The following RSBN1L variants were observed in gnomAD, a reference collection of about 807,000 sequenced individuals.
RSBN1L encodes the protein lysine-specific demethylase RSBN1L.
Under a neutral mutation model 67.7 loss-of-function variants are expected in RSBN1L, and 30 were observed. The observed-to-expected ratio is 0.44, with a 90% confidence interval of 0.33 to 0.60. The LOEUF is 0.60. Ranked by LOEUF, RSBN1L falls within the 20% of genes least tolerant of loss-of-function variation. The probability of loss-of-function intolerance (pLI) is 0.02; values close to 1 mark genes in which losing one functional copy is unlikely to be tolerated. For missense variants in RSBN1L, 992 were observed against 1,031.7 expected (o/e 0.96, Z 0.53); for synonymous variants, 433 against 387.0 (o/e 1.12, Z -1.39).
chr7:77,739,130 C>T (rs1447571496), intron 2 of RSBN1L, among the ~76,000 whole-genome samples: 2 of 152,168 alleles, frequency 1.3e-5, no homozygotes, highest in Non-Finnish European at 2.9e-5. Flanking sequence ...GGCCATTTCC[C>T]AAGTGAGCCT....
intron 7 of RSBN1L, 24 bp downstream of exon 7, chr7:77,778,470 T>C (rs772684312): frequency 6.3e-7 from 1 of 1,595,888 alleles, no homozygotes; most frequent in Non-Finnish European, 8.5e-7. Context: ...ACTTACTGTC[T>C]TTGGTTTAGT....
chr7:77,761,416 G>A (rs956707899), intron 3 of RSBN1L, among the ~76,000 whole-genome samples: 1 of 152,112 alleles, frequency 6.6e-6, no homozygotes, highest in African/African-American at 2.4e-5. Context: ...ATCCTTATCT[G>A]TTACCTCTTC....
intron 1 of RSBN1L, among the ~76,000 whole-genome samples, chr7:77,703,621 T>A (rs1790849334): frequency 6.6e-6 from 1 of 150,668 alleles, no homozygotes; most frequent in Admixed American, 6.7e-5. Context: ...CCCAAGTAGC[T>A]GGAACTACAG....
Position 77,779,325 on chromosome 7 carries a change from A to T in RSBN1L, c.*157A>T. 1.7e-6 allele frequency: 1 copy of T among 598,344 alleles called. No homozygotes were observed. The highest frequency in any genetic ancestry group is 3.4e-5 in the Admixed American group (1 of 29,104). The allele number at this position is 598,344 out of a possible 1,614,324, so 37.1% of individuals were successfully genotyped here. ...CCTCAGTGCCTGTCCATAACTGTGA[A>T]GTATTAAGCACTTAGGGCCAGATGC... On this transcript the variant is annotated 3_prime_UTR_variant, in exon 8 of 8. Coordinates refer to ENST00000334955, the MANE Select transcript of RSBN1L (RefSeq NM_198467.3).
intron 1 of RSBN1L, among the ~76,000 whole-genome samples, chr7:77,735,476 A>G (rs1791322326): frequency 6.6e-6 from 1 of 152,176 alleles, no homozygotes; most frequent in Admixed American, 6.5e-5. Context: ...CAGTGCTTAT[A>G]TAGACAGTAA....
At chr7:77,739,067 C>T (rs1791373916) in intron 2 of RSBN1L, among the ~76,000 whole-genome samples, 1 of 152,178 alleles carries the variant, frequency 6.6e-6, no homozygotes, top group African/African-American at 2.4e-5. Flanking sequence ...ATTGAAAGCA[C>T]TGAGTGTTAT....
intron 2 of RSBN1L, among the ~76,000 whole-genome samples, chr7:77,738,367 C>T (rs922050907): frequency 7.2e-5 from 11 of 151,860 alleles, no homozygotes; most frequent in Admixed American, 2.0e-4. Flanking sequence ...TATTTTGAAC[C>T]GAGTTAAACT....
chr7:77,709,678 C>G (rs1476920746), intron 1 of RSBN1L, among the ~76,000 whole-genome samples: 1 of 152,066 alleles, frequency 6.6e-6, no homozygotes, highest in Non-Finnish European at 1.5e-5. Context: ...TCTTCCAGCC[C>G]CACCCCCTAA....
chr7:77,718,876 T>C (rs982211963), intron 1 of RSBN1L, among the ~76,000 whole-genome samples: 1 of 152,132 alleles, frequency 6.6e-6, no homozygotes. Flanking sequence ...TGGTGTTGAG[T>C]TGGTGGCTGG....
At chr7:77,737,531 G>A (rs1031966580) in intron 2 of RSBN1L, among the ~76,000 whole-genome samples, 1 of 151,982 alleles carries the variant, frequency 6.6e-6, no homozygotes, top group African/African-American at 2.4e-5. Flanking sequence ...CATTTTCTAC[G>A]ATATTCTTTC....
intron 4 of RSBN1L, among the ~76,000 whole-genome samples, chr7:77,766,670 C>T (rs2150431834): frequency 6.6e-6 from 1 of 152,224 alleles, no homozygotes; most frequent in South Asian, 2.1e-4. Context: ...CAAACCTACA[C>T]TGAAATTCAG....
rs36054297 is a variant in RSBN1L at position 77,750,296 on chromosome 7, G to GTTTT, written c.1344+254_1344+257dup. Among the ~76,000 whole-genome samples, 541 of 57,458 alleles carry GTTTT rather than the reference G, an allele frequency of 9.4e-3. 67 individuals carry two copies. The highest frequency in any genetic ancestry group is 0.029 in the African/African-American group (423 of 14,472). 37.7% of individuals were successfully genotyped at this position (57,458 alleles called of 152,430 possible). ...ATTAATGAAATAATTAAGATTCTGT[G>GTTTT]TTTTTTTTTTTTTTTTTTTTTTTTT... On this transcript the variant is annotated intron_variant, in intron 3 of 7. Coordinates refer to ENST00000334955, the MANE Select transcript of RSBN1L (RefSeq NM_198467.3).
intron 1 of RSBN1L, among the ~76,000 whole-genome samples, chr7:77,732,584 T>TTGCCCTCCCAAAGTGC (rs1391640900): frequency 6.6e-5 from 10 of 152,156 alleles, no homozygotes; most frequent in African/African-American, 2.4e-4. Context: ...TCCACCTGCC[T>TTGCCCTCCCAAAGTGC]TGCCCTCCCA....
At chr7:77,755,609 G>A (rs1456522778) in intron 3 of RSBN1L, among the ~76,000 whole-genome samples, 2 of 152,196 alleles carry the variant, frequency 1.3e-5, no homozygotes, top group Admixed American at 1.3e-4. Context: ...GGAGGTTGCA[G>A]TGAACCGAGA....
rs12705102 is a variant in RSBN1L, at chr7:77,719,946, G to A, written c.587-16464G>A. Among the ~76,000 whole-genome samples, 173 of 152,138 alleles carry A rather than the reference G, an allele frequency of 1.1e-3. 1 individual carries two copies. Among genetic ancestry groups the A allele is most frequent in the Non-Finnish European group, 2.1e-3 (145 of 68,008 alleles). ...TGCCTGGCTAATTATTGTATTTTCCGTAGAGAAAGGGTCTCGCCATATTGT... is the reference window on the plus strand; with the variant it reads ...TGCCTGGCTAATTATTGTATTTTCCATAGAGAAAGGGTCTCGCCATATTGT... On this transcript the variant is annotated intron_variant, in intron 1 of 7. Coordinates refer to ENST00000334955, the MANE Select transcript of RSBN1L (RefSeq NM_198467.3).
chr7:77,720,763 C>CTTTTTTTTTTT (rs34070122), intron 1 of RSBN1L, among the ~76,000 whole-genome samples: 123 of 104,340 alleles, frequency 1.2e-3, no homozygotes, highest in Non-Finnish European at 1.5e-3. Flanking sequence ...TTTTCTTTTT[C>CTTTTTTTTTTT]TTTTTTTTTT....
At chr7:77,755,471 G>C (rs1200217941) in intron 3 of RSBN1L, among the ~76,000 whole-genome samples, 1 of 152,068 alleles carries the variant, frequency 6.6e-6, no homozygotes, top group Non-Finnish European at 1.5e-5. Context: ...TAAGAGACCA[G>C]CCTGGCTAAC....
chr7:77,718,308 G>C (rs1053597890), intron 1 of RSBN1L, among the ~76,000 whole-genome samples: 1 of 152,012 alleles, frequency 6.6e-6, no homozygotes, highest in African/African-American at 2.4e-5. Context: ...AGTGTATTTT[G>C]TTTTATGTTT....
chr7:77,777,498 G>A (rs1035724213), intron 6 of RSBN1L, among the ~76,000 whole-genome samples: 3 of 151,476 alleles, frequency 2.0e-5, no homozygotes, highest in Non-Finnish European at 4.4e-5. Flanking sequence ...ATATTTTTTG[G>A]TGGATATAGA....
Sources: gnomAD v4.1 joint callset for allele counts (sites outside exome capture counted in the v4.1 genomes callset) on GRCh38, gnomAD v4.1.1 for gene constraint, MANE v1.5 for transcripts, NCBI Gene and HGNC (gene_info 2026-07-23, HGNC 2026-07-21) for gene names.